CTNNA3: variants seen among roughly 807,000 people sequenced by gnomAD.
CTNNA3 encodes catenin alpha-3.
CTNNA3 carries 76 observed loss-of-function variants against 95.7 expected under a neutral mutation model. The ratio of observed to expected loss-of-function variants is 0.79; its 90% confidence interval spans 0.66 to 0.96. The LOEUF (loss-of-function observed/expected upper bound fraction) is 0.96. Ranked by LOEUF, CTNNA3 falls within the 40% of genes least tolerant of loss-of-function variation. The probability of loss-of-function intolerance (pLI) is 0.00; values close to 1 mark genes in which losing one functional copy is unlikely to be tolerated. For missense variants in CTNNA3, 1,191 were observed against 1,089.8 expected (o/e 1.09, Z -1.31); for synonymous variants, 431 against 374.4 (o/e 1.15, Z -1.74).
intron 7 of CTNNA3, among the ~76,000 whole-genome samples, chr10:67,003,373 G>A (rs1182108692): frequency 6.6e-6 from 1 of 152,012 alleles, no homozygotes; most frequent in African/African-American, 2.4e-5. Flanking sequence ...ACTGTACAAA[G>A]TCTTCAAGCC....
chr10:67,518,878 T>C (rs1839900191), intron 5 of CTNNA3, among the ~76,000 whole-genome samples: 1 of 152,120 alleles, frequency 6.6e-6, no homozygotes, highest in South Asian at 2.1e-4. Flanking sequence ...ACTCCAAGAC[T>C]GTACCTGCCT....
chr10:67,424,948 A>C (rs974690820), intron 5 of CTNNA3, among the ~76,000 whole-genome samples: 1 of 152,104 alleles, frequency 6.6e-6, no homozygotes, highest in South Asian at 2.1e-4. Flanking sequence ...AAATTCATTC[A>C]GTCCCTAATA....
Position 66,913,675 on chromosome 10 carries a change from C to T in CTNNA3, c.1048-138151G>A, listed in dbSNP as rs150755455. 2.2e-3 allele frequency among the ~76,000 whole-genome samples: 332 copies of T among 152,176 alleles called. 1 individual carries two copies. The highest frequency in any genetic ancestry group is 0.01 in the Middle Eastern group (3 of 294). ...CTTACTGAAGGGGGACCTTATGTCGCGCCATAAAAGTCATGAGAAGCACCA... is the reference window on the plus strand; with the variant it reads ...CTTACTGAAGGGGGACCTTATGTCGTGCCATAAAAGTCATGAGAAGCACCA... On this transcript the variant is annotated intron_variant, in intron 7 of 17. Coordinates refer to ENST00000433211, the MANE Select transcript of CTNNA3 (RefSeq NM_013266.4).
chr10:66,356,776 G>C (rs1453122926), intron 12 of CTNNA3, among the ~76,000 whole-genome samples: 6 of 151,956 alleles, frequency 3.9e-5, no homozygotes, highest in African/African-American at 1.4e-4. Flanking sequence ...AATTAGGAAA[G>C]TCCCTTTCTA....
At chr10:66,215,070 A>C (rs1232680226) in intron 13 of CTNNA3, among the ~76,000 whole-genome samples, 2 of 152,192 alleles carry the variant, frequency 1.3e-5, no homozygotes, top group Non-Finnish European at 1.5e-5. Context: ...AAAAAAAGGA[A>C]GACTTGATTT....
chr10:66,017,920 C>T (rs1000897273), intron 15 of CTNNA3, among the ~76,000 whole-genome samples: 16 of 152,108 alleles, frequency 1.1e-4, no homozygotes, highest in African/African-American at 2.2e-4. Flanking sequence ...ATATCCTATA[C>T]GGCCTCCTTT....
chr10:67,682,646 T>C (rs1471304417), intron 1 of CTNNA3, among the ~76,000 whole-genome samples: 2 of 152,196 alleles, frequency 1.3e-5, no homozygotes, highest in African/African-American at 4.8e-5. Flanking sequence ...ATGTGTACTC[T>C]TGAATATTTC....
At chr10:66,134,470 A>C (rs2083261380) in intron 13 of CTNNA3, among the ~76,000 whole-genome samples, 1 of 152,284 alleles carries the variant, frequency 6.6e-6, no homozygotes, top group East Asian at 1.9e-4. Flanking sequence ...AGTACTAAAA[A>C]TAAGATGAGG....
rs1841297371 is a variant in CTNNA3, at chr10:67,735,401, A to C, written c.-2+28033T>G. ...CAATGGACAATTATGCAGTCATTAA[A>C]ATAATAACCATGATGACAGAACGGA... On this transcript the variant is annotated intron_variant, in intron 1 of 17. Coordinates refer to the CTNNA3 transcript ENST00000684154. Among the ~76,000 whole-genome samples, 3 of 152,204 alleles carry C rather than the reference A, an allele frequency of 2.0e-5. No homozygotes were observed. In the South Asian group the frequency reaches 6.2e-4, roughly 31 times the overall value.
At chr10:66,796,640 A>G (rs4074715) in intron 7 of CTNNA3, among the ~76,000 whole-genome samples, 18,819 of 152,126 alleles carry the variant, frequency 0.12, 1,716 homozygotes, top group African/African-American at 0.26. Context: ...AAAAACCACC[A>G]TATCTCCAAA....
intron 7 of CTNNA3, among the ~76,000 whole-genome samples, chr10:67,111,018 A>C (rs918983762): frequency 2.0e-5 from 3 of 152,154 alleles, no homozygotes; most frequent in Admixed American, 6.5e-5. Flanking sequence ...TGAGGGAGTA[A>C]GCGAAGAACA....
At chr10:66,080,620 T>G (rs1381852) in intron 14 of CTNNA3, among the ~76,000 whole-genome samples, 43,349 of 152,002 alleles carry the variant, frequency 0.29, 6,893 homozygotes, top group South Asian at 0.43. Context: ...CAATCATAGT[T>G]GTCAAATAAT....
rs2090935576 is a variant in CTNNA3 at position 66,259,905 on chromosome 10, A to G, written c.1884+20565T>C. On this transcript the variant is annotated intron_variant, in intron 13 of 17. Coordinates refer to ENST00000433211, the MANE Select transcript of CTNNA3 (RefSeq NM_013266.4). Reference sequence around the variant, plus strand: ...TGCAAAATCAGAGTGTAAACGAAAGAGTTGAGCTGCAATTAGAAACCTTAA... The same window carrying G: ...TGCAAAATCAGAGTGTAAACGAAAGGGTTGAGCTGCAATTAGAAACCTTAA... Among the ~76,000 whole-genome samples the G allele has an allele frequency of 2.0e-5, 3 of 152,178 alleles. No individual in the cohort carries two copies. In the South Asian group the frequency reaches 6.2e-4, roughly 31 times the overall value.
chr10:66,917,197 A>C lies in CTNNA3; in HGVS notation c.1048-141673T>G, dbSNP rs185285865. ...GAGTTTAATAAATACTCATTGAATA[A>C]ACAAGTTAATTTTATTTTTATTAAG... On this transcript the variant is annotated intron_variant, in intron 7 of 17. Coordinates refer to ENST00000433211, the MANE Select transcript of CTNNA3 (RefSeq NM_013266.4). 1.7e-3 allele frequency among the ~76,000 whole-genome samples: 265 copies of C among 152,324 alleles called. 4 individuals carry two copies. Among genetic ancestry groups the C allele is most frequent in the African/African-American group, 6.3e-3 (260 of 41,576 alleles).
chr10:66,127,884 G>A (rs2082897828), intron 13 of CTNNA3, among the ~76,000 whole-genome samples: 1 of 152,094 alleles, frequency 6.6e-6, no homozygotes, highest in African/African-American at 2.4e-5. Flanking sequence ...AGACCAGCCT[G>A]GCCAACATGG....
chr10:66,838,063 T>C (rs1842939441), intron 7 of CTNNA3, among the ~76,000 whole-genome samples: 1 of 152,064 alleles, frequency 6.6e-6, no homozygotes, highest in Non-Finnish European at 1.5e-5. Context: ...CAATAAGGCA[T>C]TTTTCAAAAG....
At chr10:66,864,501 G>A (rs1844084693) in intron 7 of CTNNA3, among the ~76,000 whole-genome samples, 2 of 151,956 alleles carry the variant, frequency 1.3e-5, no homozygotes, top group Non-Finnish European at 2.9e-5. Flanking sequence ...AAATTACCTG[G>A]TCTGTGGGCT....
At chr10:66,477,462 A>G (rs1264702180) in intron 11 of CTNNA3, among the ~76,000 whole-genome samples, 1 of 152,118 alleles carries the variant, frequency 6.6e-6, no homozygotes, top group Non-Finnish European at 1.5e-5. Flanking sequence ...AGTTCTACTT[A>G]TGTGGTTGAC....
chr10:67,593,761 G>A (rs985447006), intron 3 of CTNNA3, among the ~76,000 whole-genome samples: 4 of 151,840 alleles, frequency 2.6e-5, no homozygotes, highest in African/African-American at 9.7e-5. Context: ...TCTTTCTCTT[G>A]ACTGATTGTT....
Sources: allele counts gnomAD v4.1 joint callset (sites outside exome capture counted in the v4.1 genomes callset), GRCh38; gene constraint gnomAD v4.1.1; transcripts MANE v1.5; gene names NCBI Gene and HGNC (gene_info 2026-07-23, HGNC 2026-07-21).